Variants in IPO5 observed in about 807,000 individuals in gnomAD.
IPO5 encodes importin-5.
IPO5 carries 18 observed loss-of-function variants against 143.3 expected under a neutral mutation model. The observed-to-expected ratio is 0.13, with a 90% CI of 0.09 to 0.19. The LOEUF (loss-of-function observed/expected upper bound fraction) is 0.19, where lower values mean the gene tolerates loss of function less well. IPO5 is among the 10% of genes least tolerant of loss of function. The probability of loss-of-function intolerance (pLI) is 1.00; values close to 1 mark genes in which losing one functional copy is unlikely to be tolerated. For synonymous variants in IPO5, 477 were observed against 465.7 expected (o/e 1.02, Z -0.31); for missense variants, 1,013 against 1,336.9 (o/e 0.76, Z 3.78).
intron 25 of IPO5, among the ~76,000 whole-genome samples, chr13:98,017,240 G>GTATATA: frequency 6.9e-6 from 1 of 144,872 alleles, no homozygotes; most frequent in East Asian, 2.5e-4. Context: ...TGGATAATGG[G>GTATATA]CATATATATA....
In IPO5 at chr13:98,019,735, G is replaced by T. The variant is rs183978513; in HGVS notation, c.2991G>T (p.Leu997Phe). The stretch of plus-strand genomic sequence containing the variant: ...TTGAAGAGGTCCTTCCACACTGGTT[G>T]TCTTGGCTTCCACTACATGAAGATA... ...VNVEEVLPHW[L>F]SWLPLHEDKE... The change falls in exon 27 of 29, where the codon TTG (leucine) becomes TTT (phenylalanine). Residue 997 changes from leucine (L) to phenylalanine (F), a missense_variant. Physicochemically the swap from Leu to Phe is conservative, Grantham distance 22. Around this residue, in one of 2 missense-constraint regions of IPO5, gnomAD observed 685 missense variants for 994.9 expected, o/e 0.69. Coordinates refer to ENST00000651721, the MANE Select transcript of IPO5 (RefSeq NM_002271.6). 2 of 1,614,126 alleles carry T rather than the reference G, an allele frequency of 1.2e-6. No homozygotes were observed. The highest frequency in any genetic ancestry group is 1.1e-5 in the South Asian group (1 of 91,076).
At chr13:98,007,018 A>G (rs1889321228) in intron 17 of IPO5, among the ~76,000 whole-genome samples, 1 of 150,430 alleles carries the variant, frequency 6.6e-6, no homozygotes, top group African/African-American at 2.5e-5. Flanking sequence ...GGCACCTGCC[A>G]CCACTCCCAG....
At chr13:97,953,852 A>G (rs2139445847) in intron 1 of IPO5, 136 bp downstream of exon 1, 1 of 451,708 alleles carries the variant, frequency 2.2e-6, no homozygotes, top group Non-Finnish European at 4.4e-6. Context: ...TCGTCTCCTG[A>G]CGTCACCACA....
Position 98,015,679 on chromosome 13 carries a change from T to G in IPO5, c.2437+38T>G, listed in dbSNP as rs185131742. The G allele has an allele frequency of 2.3e-4, 370 of 1,581,482 alleles. 4 individuals carry two copies. The East Asian group carries it at 7.9e-3, about 34-fold the overall frequency. ...TGCTTTTATTTCTGAATATAATCCTTGACCATCTTGGCAATCATTTAAAAC... is the reference window on the plus strand; with the variant it reads ...TGCTTTTATTTCTGAATATAATCCTGGACCATCTTGGCAATCATTTAAAAC... On this transcript the variant is annotated intron_variant, in intron 23 of 28. Transcript: ENST00000651721.
chr13:98,018,441 G>T lies in IPO5; in HGVS notation c.2617-44G>T, dbSNP rs772834883. On this transcript the variant is annotated intron_variant, in intron 25 of 28. Transcript: ENST00000651721. ...TAGTGAATATTTCTTTACATTCTTT[G>T]TGTACACCAGTATTTGAAGCTTAAA... 38 of 1,325,164 alleles carry T rather than the reference G, an allele frequency of 2.9e-5. No homozygotes were observed. The East Asian group carries it at 3.9e-4, about 14-fold the overall frequency. 82.1% of individuals were successfully genotyped at this position (1,325,164 alleles called of 1,614,324 possible). A position where few individuals can be genotyped will look rare whatever the true frequency, so the allele number is the denominator to read the frequency against.
intron 2 of IPO5, among the ~76,000 whole-genome samples, chr13:97,961,033 T>C (rs922324208): frequency 2.0e-5 from 3 of 152,184 alleles, no homozygotes; most frequent in African/African-American, 2.4e-5. Context: ...CTACTGTCTA[T>C]GGATGTGCTG....
Position 98,010,085 on chromosome 13 carries a change from T to G in IPO5, c.1934-18T>G, listed in dbSNP as rs750829057. 6.2e-7 allele frequency: 1 copy of G among 1,613,742 alleles called. No individual in the cohort carries two copies. The highest frequency in any genetic ancestry group is 1.1e-5 in the South Asian group (1 of 90,974). On this transcript the variant is annotated intron_variant, in intron 19 of 28. Transcript: ENST00000651721. ...GTTATTATTTTTCATATGCATTTGT[T>G]TTCTTCTCCGTTAATAGCCCAAGAC...
intron 20 of IPO5, among the ~76,000 whole-genome samples, chr13:98,010,751 G>A (rs1265541914): frequency 7.3e-6 from 1 of 136,702 alleles, no homozygotes; most frequent in Non-Finnish European, 1.6e-5. Flanking sequence ...TTTTCTTTAT[G>A]AGCATGCGTT....
chr13:98,013,490 G>T (rs1267358660), intron 21 of IPO5, among the ~76,000 whole-genome samples: 2 of 152,094 alleles, frequency 1.3e-5, no homozygotes, highest in African/African-American at 4.8e-5. Context: ...TCCTATAGTG[G>T]TATCCTTTAC....
chr13:97,970,035 T>C (rs1036268633), intron 3 of IPO5: 1 of 525,514 alleles, frequency 1.9e-6, no homozygotes, highest in Admixed American at 3.9e-5. Flanking sequence ...ACAAAGTATG[T>C]AGGACACCTA....
intron 3 of IPO5, chr13:97,975,877 C>T (rs1434992812): frequency 3.0e-6 from 3 of 983,760 alleles, no homozygotes; most frequent in Non-Finnish European, 2.4e-6. Context: ...TGAGTAACCC[C>T]TCTTCCGGGC....
chr13:97,979,986 T>A (rs1043083095), intron 4 of IPO5: 3 of 456,100 alleles, frequency 6.6e-6, no homozygotes, highest in Non-Finnish European at 1.3e-5. Flanking sequence ...TGAGTACATA[T>A]GAGCATTTCT....
At chr13:98,021,366 T>C in intron 28 of IPO5, 1 of 393,228 alleles carries the variant, frequency 2.5e-6, no homozygotes, top group Non-Finnish European at 4.4e-6. Context: ...TACCAGTTGG[T>C]GCTTAACACA....
intron 2 of IPO5, among the ~76,000 whole-genome samples, chr13:97,954,850 A>G (rs1388345094): frequency 1.3e-5 from 2 of 152,208 alleles, no homozygotes; most frequent in African/African-American, 2.4e-5. Context: ...GACACTAACT[A>G]GTATGCGAGA....
chr13:97,962,230 A>G (rs1884948755), intron 2 of IPO5, among the ~76,000 whole-genome samples: 2 of 152,144 alleles, frequency 1.3e-5, no homozygotes, highest in Admixed American at 6.6e-5. Context: ...AATTTTGTGA[A>G]GTTCAATGTA....
At chr13:97,974,770 A>G (rs986463355) in intron 3 of IPO5, among the ~76,000 whole-genome samples, 1 of 152,194 alleles carries the variant, frequency 6.6e-6, no homozygotes, top group East Asian at 1.9e-4. Context: ...ATAACGTGGC[A>G]TAAGAATGAA....
intron 3 of IPO5, among the ~76,000 whole-genome samples, chr13:97,973,647 T>C (rs555686996): frequency 6.6e-6 from 1 of 152,244 alleles, no homozygotes; most frequent in Non-Finnish European, 1.5e-5. Context: ...TTTGATTGGA[T>C]ATTTAAAATG....
At chr13:98,009,715 T>C (rs1306096171) in intron 18 of IPO5, among the ~76,000 whole-genome samples, 166 bp from the exon 19 acceptor site, 1 of 152,204 alleles carries the variant, frequency 6.6e-6, no homozygotes, top group Non-Finnish European at 1.5e-5. Flanking sequence ...GATTTCATTA[T>C]TGATTCTGAA....
rs767656343 is a variant in IPO5, at chr13:98,006,179, T to A, written c.1547T>A (p.Ile516Asn). 6.2e-7 allele frequency: 1 copy of A among 1,613,968 alleles called. No individual in the cohort carries two copies. The highest frequency in any genetic ancestry group is 1.1e-5 in the South Asian group (1 of 91,072). The change falls in exon 17 of 29, where the codon ATT (isoleucine) becomes AAT (asparagine). Residue 516 changes from isoleucine to asparagine, a missense_variant. Transcript: ENST00000651721. Reference sequence around the variant, plus strand: ...GTTTTGGAACAAGTTGTGACATCCATTGCATCAGTTGCCGATACTGCAGAA... The same window carrying A: ...GTTTTGGAACAAGTTGTGACATCCAATGCATCAGTTGCCGATACTGCAGAA... ...KLVLEQVVTSIASVADTAEEK... is the reference protein window; with the variant it reads ...KLVLEQVVTSNASVADTAEEK...
Sources: allele counts gnomAD v4.1 joint callset (sites outside exome capture counted in the v4.1 genomes callset), GRCh38; gene constraint gnomAD v4.1.1; regional missense constraint gnomAD v4.1.1; transcripts MANE v1.5; gene names NCBI Gene and HGNC (gene_info 2026-07-23, HGNC 2026-07-21).